Variants in SHANK2 observed in about 807,000 individuals in gnomAD.
SHANK2 encodes SH3 and multiple ankyrin repeat domains 2.
SHANK2 carries 43 observed loss-of-function variants against 133.7 expected under a neutral mutation model. The ratio of observed to expected loss-of-function variants is 0.32; its 90% CI spans 0.25 to 0.41. The LOEUF is 0.41. Ranked by LOEUF, SHANK2 falls within the 10% of genes least tolerant of loss-of-function variation. SHANK2 has a pLI of 1.00. For synonymous variants in SHANK2, 1,017 were observed against 952.8 expected (o/e 1.07, Z -1.24); for missense variants, 1,994 against 2,235.8 (o/e 0.89, Z 2.18).
At chr11:70,842,784 G>A (rs1245117113) in intron 11 of SHANK2, among the ~76,000 whole-genome samples, 1 of 152,160 alleles carries the variant, frequency 6.6e-6, no homozygotes, top group Non-Finnish European at 1.5e-5. Context: ...CAGCACGCAG[G>A]GTCTCCCCAC....
At chr11:70,494,235 G>C (rs1276031765) in intron 21 of SHANK2, among the ~76,000 whole-genome samples, 1 of 152,176 alleles carries the variant, frequency 6.6e-6, no homozygotes, top group African/African-American at 2.4e-5. Flanking sequence ...CTGCATGAGG[G>C]GCCTGGTTCC....
chr11:70,528,879 C>A (rs1392774017), intron 17 of SHANK2, among the ~76,000 whole-genome samples: 1 of 152,128 alleles, frequency 6.6e-6, no homozygotes, highest in Non-Finnish European at 1.5e-5. Flanking sequence ...GGTCCCCACA[C>A]CCGCCTCTCA....
intron 17 of SHANK2, among the ~76,000 whole-genome samples, chr11:70,627,953 A>G (rs1314749056): frequency 6.6e-6 from 1 of 152,112 alleles, no homozygotes; most frequent in South Asian, 2.1e-4. Context: ...CTAGCAAGGA[A>G]GAGAGTTGTT....
intron 2 of SHANK2, among the ~76,000 whole-genome samples, chr11:71,181,653 C>T (rs980911916): frequency 9.9e-5 from 15 of 152,030 alleles, no homozygotes; most frequent in Non-Finnish European, 1.5e-5. Context: ...GCAAGGCGCC[C>T]GCTCATGGTG....
intron 17 of SHANK2, among the ~76,000 whole-genome samples, chr11:70,539,529 C>A (rs1196228627): frequency 6.6e-6 from 1 of 152,012 alleles, no homozygotes; most frequent in Non-Finnish European, 1.5e-5. Flanking sequence ...GCTCACCACG[C>A]TCACTCGCCA....
chr11:71,131,482 C>T (rs1253396456), intron 3 of SHANK2, among the ~76,000 whole-genome samples: 1 of 152,188 alleles, frequency 6.6e-6, no homozygotes, highest in Non-Finnish European at 1.5e-5. Context: ...AGCTTCATGG[C>T]AGCCGCTGGA....
intron 17 of SHANK2, among the ~76,000 whole-genome samples, chr11:70,642,536 C>T (rs1212499401): frequency 1.3e-5 from 2 of 152,206 alleles, no homozygotes; most frequent in African/African-American, 2.4e-5. Context: ...CCTGTCTAAT[C>T]GCAGTTGAGG....
At chr11:70,648,088 G>A (rs1266366012) in intron 17 of SHANK2, among the ~76,000 whole-genome samples, 1 of 152,250 alleles carries the variant, frequency 6.6e-6, no homozygotes, top group Non-Finnish European at 1.5e-5. Flanking sequence ...ACAGAAGGTA[G>A]TACGGACACA....
At chr11:70,779,688 G>A (rs1555044721) in intron 14 of SHANK2, among the ~76,000 whole-genome samples, 1 of 152,172 alleles carries the variant, frequency 6.6e-6, no homozygotes, top group Non-Finnish European at 1.5e-5. Flanking sequence ...TGAGAAAGCA[G>A]GTCACAGCAA....
At chr11:71,097,441 C>T (rs1565448874) in intron 6 of SHANK2, among the ~76,000 whole-genome samples, 1 of 152,244 alleles carries the variant, frequency 6.6e-6, no homozygotes, top group Non-Finnish European at 1.5e-5. Context: ...GACTATTCCT[C>T]AGGTTTTGCA....
intron 6 of SHANK2, among the ~76,000 whole-genome samples, chr11:71,099,901 T>C (rs1212033438): frequency 6.6e-6 from 1 of 151,918 alleles, no homozygotes; most frequent in African/African-American, 2.4e-5. Flanking sequence ...ATTTAAAAAT[T>C]TGCCAGGCAT....
chr11:70,907,785 G>C, intron 10 of SHANK2: 1 of 391,890 alleles, frequency 2.6e-6, no homozygotes, highest in South Asian at 1.8e-5. Flanking sequence ...CATCGGATAT[G>C]ACAACATAGA....
intron 10 of SHANK2, among the ~76,000 whole-genome samples, chr11:70,913,035 C>T (rs543469981): frequency 1.3e-5 from 2 of 151,284 alleles, no homozygotes; most frequent in African/African-American, 4.9e-5. Context: ...TAAGCCAGTT[C>T]CTCATTCATT....
intron 15 of SHANK2, among the ~76,000 whole-genome samples, chr11:70,672,059 TCTTTTTC>T (rs1168602659): frequency 1.0e-4 from 13 of 129,880 alleles, no homozygotes; most frequent in African/African-American, 3.5e-4. Context: ...ACTTTTCTTT[TCTTTTTC>T]TTTTTTTTTT....
rs1555154475 is a variant in SHANK2 at position 70,487,443 on chromosome 11, C to T, written c.2850G>A (p.Met950Ile). The T allele has an allele frequency of 1.2e-6, 2 of 1,614,112 alleles. No homozygotes were observed. The highest frequency in any genetic ancestry group is 1.7e-6 in the Non-Finnish European group (2 of 1,180,038). ...AGCGGTCCAGCTCTCTCCTGAAGTA[C>T]ATCCCCTTCTCCCTCATCATGGTGG... is the stretch of plus-strand genomic sequence containing the variant. The part of the protein sequence containing the change: ...TVATMMREKG[M>I]YFRRELDRYS... Residue 950 changes from methionine to isoleucine, a missense_variant, in exon 25 of 26, where the codon ATG becomes ATA. Met to Ile is a conservative substitution (Grantham distance 10). This residue lies in a region of SHANK2 where 488 missense variants were observed against 642.6 expected (regional missense o/e 0.76). Coordinates refer to ENST00000601538, the MANE Select transcript of SHANK2 (RefSeq NM_012309.5). The surrounding 1 kb of genome is among the most constrained non-coding windows in gnomAD (Gnocchi z 5.8).
chr11:70,901,583 A>G (rs1254420807), intron 10 of SHANK2, among the ~76,000 whole-genome samples: 3 of 152,184 alleles, frequency 2.0e-5, no homozygotes, highest in Non-Finnish European at 4.4e-5. Context: ...TGTTTCAAAT[A>G]ACATTTCGGT....
At chr11:71,239,372 A>G (rs145509438) in intron 1 of SHANK2, among the ~76,000 whole-genome samples, 49 of 152,338 alleles carry the variant, frequency 3.2e-4, no homozygotes, top group African/African-American at 1.1e-3. Context: ...GTCTGCAGAT[A>G]ATACGTTAAT....
chr11:70,482,870 A>G (rs2058754679), intron 25 of SHANK2, among the ~76,000 whole-genome samples: 1 of 152,210 alleles, frequency 6.6e-6, no homozygotes. Context: ...CAGGGCAGAG[A>G]AACCCTAGAG....
intron 8 of SHANK2, among the ~76,000 whole-genome samples, chr11:71,077,065 G>T (rs1951230454): frequency 6.6e-6 from 1 of 152,078 alleles, no homozygotes; most frequent in South Asian, 2.1e-4. Context: ...GACACTGTCT[G>T]AGCCCCTCTA....
Sources: gnomAD v4.1 joint callset for allele counts (sites outside exome capture counted in the v4.1 genomes callset) on GRCh38, gnomAD v4.1.1 for gene constraint, gnomAD v4.1.1 regional missense constraint, Gnocchi (gnomAD v3.1) non-coding constraint, MANE v1.5 for transcripts, NCBI Gene and HGNC (gene_info 2026-07-23, HGNC 2026-07-21) for gene names.